The following MPLKIP variants were observed in gnomAD, a reference collection of about 807,000 sequenced individuals.
MPLKIP encodes M-phase-specific PLK1-interacting protein.
In MPLKIP, 16 loss-of-function variants were observed where a neutral mutation model predicts 16.9. The ratio of observed to expected loss-of-function variants is 0.94; its 90% CI spans 0.64 to 1.43. The LOEUF (loss-of-function observed/expected upper bound fraction) is 1.43. Among genes scored for constraint, MPLKIP ranks in the 40% most tolerant of loss-of-function variants. The pLI, the probability that MPLKIP is intolerant of heterozygous loss-of-function variation, is 0.00. For synonymous variants in MPLKIP, 126 were observed against 98.4 expected (o/e 1.28, Z -1.66); for missense variants, 282 against 237.6 (o/e 1.19, Z -1.23).
rs539021818 is a variant in MPLKIP, at chr7:40,129,991, T to C, written c.*3068A>G. 3 of 152,292 alleles carry C rather than the reference T, an allele frequency of 2.0e-5. No individual in the cohort carries two copies. The highest frequency in any genetic ancestry group is 2.1e-4 in the South Asian group (1 of 4,828). The allele number at this position is 152,292 out of a possible 1,614,324, so 9.4% of individuals were successfully genotyped here. A position where few individuals can be genotyped will look rare whatever the true frequency, so the allele number is the denominator to read the frequency against. On this transcript the variant is annotated 3_prime_UTR_variant, in exon 2 of 2. Coordinates refer to ENST00000306984, the MANE Select transcript of MPLKIP (RefSeq NM_138701.4). ...CAGCAGGGAAAAAGAACTGGCATGA[T>C]CCCTTGATATGGATATGTTTTTATG... is the stretch of plus-strand genomic sequence containing the variant.
chr7:40,129,896 G>T lies in MPLKIP; in HGVS notation c.*3163C>A, dbSNP rs184466865. ...GTATGAGACTTTAAATATTGTTGGG[G>T]TCATTTCTGCAAAACACAACTTGCC... On this transcript the variant is annotated 3_prime_UTR_variant, in exon 2 of 2. Transcript: ENST00000306984. 2 of 152,284 alleles carry T rather than the reference G, an allele frequency of 1.3e-5. No homozygotes were observed. Among genetic ancestry groups the T allele is most frequent in the African/African-American group, 4.8e-5 (2 of 41,560 alleles). The allele number at this position is 152,284 out of a possible 1,614,324, so 9.4% of individuals were successfully genotyped here.
Position 40,131,838 on chromosome 7 carries a change from A to G in MPLKIP, c.*1221T>C, listed in dbSNP as rs751698921. 6.6e-6 allele frequency: 1 copy of G among 151,458 alleles called. No individual in the cohort carries two copies. Among genetic ancestry groups the G allele is most frequent in the Non-Finnish European group, 1.5e-5 (1 of 67,888 alleles). The allele number at this position is 151,458 out of a possible 1,614,324, so 9.4% of individuals were successfully genotyped here. A position where few individuals can be genotyped will look rare whatever the true frequency, so the allele number is the denominator to read the frequency against. On this transcript the variant is annotated 3_prime_UTR_variant, in exon 2 of 2. Coordinates refer to ENST00000306984, the MANE Select transcript of MPLKIP (RefSeq NM_138701.4). ...GGGCAACAGAGTGAGACCCTATTTC[A>G]AAAACAAAACAAAACAAACAAAAAA... is the stretch of plus-strand genomic sequence containing the variant.
In MPLKIP at chr7:40,134,397, C is replaced by T. The variant is rs1272346840; in HGVS notation, c.171G>A (p.Arg57=). ...AGTGACTGCTCCCGTACGGCCTAGA[C>T]CGGGGCCCGTACGGCGGCGTGTGGT... ...SPHHTPPYGP[R]SRPYGSSHSP... Residue 57 remains arginine (R), a synonymous_variant, in exon 1 of 2, where the codon CGG becomes CGA. Transcript: ENST00000306984. 6.4e-7 allele frequency: 1 copy of T among 1,562,170 alleles called. No homozygotes were observed. The highest frequency in any genetic ancestry group is 8.7e-7 in the Non-Finnish European group (1 of 1,154,984).
intron 1 of MPLKIP, among the ~76,000 whole-genome samples, chr7:40,134,004 G>T (rs921528095): frequency 1.3e-5 from 2 of 152,172 alleles, no homozygotes; most frequent in African/African-American, 4.8e-5. Flanking sequence ...CAGTGTATTG[G>T]TTAAAAGCAC....
rs545242916 is a variant in MPLKIP at position 40,127,536 on chromosome 7, C to T, written c.*5523G>A. On this transcript the variant is annotated 3_prime_UTR_variant, in exon 2 of 2. Coordinates refer to ENST00000306984, the MANE Select transcript of MPLKIP (RefSeq NM_138701.4). ...TTGGAGACCAGCCTGGGCAACATAGCAGGATCGGTCTCAAAAAAAAGAAAA... is the reference window on the plus strand; with the variant it reads ...TTGGAGACCAGCCTGGGCAACATAGTAGGATCGGTCTCAAAAAAAAGAAAA... The T allele has an allele frequency of 6.6e-6, 1 of 151,746 alleles. No individual in the cohort carries two copies. The highest frequency in any genetic ancestry group is 2.1e-4 in the South Asian group (1 of 4,796). The allele number at this position is 151,746 out of a possible 1,614,324, so 9.4% of individuals were successfully genotyped here.
chr7:40,126,043 G>A lies in MPLKIP; in HGVS notation c.*7016C>T, dbSNP rs1787385991. On this transcript the variant is annotated 3_prime_UTR_variant, in exon 2 of 2. Coordinates refer to ENST00000306984, the MANE Select transcript of MPLKIP (RefSeq NM_138701.4). ...AAATATACGTGTATTCCATGGTGAG[G>A]TTTAATAAATTTTAACATTTTCCAA... is the stretch of plus-strand genomic sequence containing the variant. The A allele has an allele frequency of 6.6e-6, 1 of 152,106 alleles. No homozygotes were observed. Among genetic ancestry groups the A allele is most frequent in the African/African-American group, 2.4e-5 (1 of 41,408 alleles). The allele number at this position is 152,106 out of a possible 1,614,324, so 9.4% of individuals were successfully genotyped here.
chr7:40,134,309 G>C lies in MPLKIP; in HGVS notation c.259C>G (p.Pro87Ala), dbSNP rs373126255. The stretch of plus-strand genomic sequence containing the variant: ...GCGGGGGACCTGGAGTAGGAGCCAG[G>C]GTAGCCGCCAGGGGACGGAGACCCG... The part of the protein sequence containing the change: ...RFGSPSPGGY[P>A]GSYSRSPAGS... The change falls in exon 1 of 2, where the codon CCT (proline) becomes GCT (alanine). Residue 87 changes from proline (P) to alanine (A), a missense_variant. Coordinates refer to ENST00000306984, the MANE Select transcript of MPLKIP (RefSeq NM_138701.4). The C allele has an allele frequency of 1.3e-5, 21 of 1,556,870 alleles. No individual in the cohort carries two copies. The African/African-American group carries it at 2.4e-4, about 18-fold the overall frequency.
At position 40,130,306 on chromosome 7, in the gene MPLKIP, A is replaced by T. The variant is rs1787444682; in HGVS notation, c.*2753T>A. ...TCCCTTTCATTTTAAAGAATAATCA[A>T]TTCCTTTTACTCAGATAAATAAAAA... On this transcript the variant is annotated 3_prime_UTR_variant, in exon 2 of 2. Coordinates refer to ENST00000306984, the MANE Select transcript of MPLKIP (RefSeq NM_138701.4). The T allele has an allele frequency of 6.6e-6, 1 of 152,226 alleles. No homozygotes were observed. Among genetic ancestry groups the T allele is most frequent in the Non-Finnish European group, 1.5e-5 (1 of 68,036 alleles). 9.4% of individuals were successfully genotyped at this position (152,226 alleles called of 1,614,324 possible).
rs1787407882 is a variant in MPLKIP, at chr7:40,127,557, G to T, written c.*5502C>A. 6.6e-6 allele frequency: 1 copy of T among 151,540 alleles called. No individual in the cohort carries two copies. Among genetic ancestry groups the T allele is most frequent in the Admixed American group, 6.6e-5 (1 of 15,234 alleles). The allele number at this position is 151,540 out of a possible 1,614,324, so 9.4% of individuals were successfully genotyped here. The stretch of plus-strand genomic sequence containing the variant: ...ATAGCAGGATCGGTCTCAAAAAAAA[G>T]AAAAGTATTGTATGGTATTTTATCA... On this transcript the variant is annotated 3_prime_UTR_variant, in exon 2 of 2. Coordinates refer to ENST00000306984, the MANE Select transcript of MPLKIP (RefSeq NM_138701.4).
Position 40,130,715 on chromosome 7 carries a change from A to G in MPLKIP, c.*2344T>C, listed in dbSNP as rs930066007. 1 of 152,222 alleles carries G rather than the reference A, an allele frequency of 6.6e-6. No individual in the cohort carries two copies. The highest frequency in any genetic ancestry group is 2.4e-5 in the African/African-American group (1 of 41,458). The allele number at this position is 152,222 out of a possible 1,614,324, so 9.4% of individuals were successfully genotyped here. ...ACATTTCTTACCTATAAAGTTCAAT[A>G]AAGTATTTAAAAAAGTATTCCCTTT... On this transcript the variant is annotated 3_prime_UTR_variant, in exon 2 of 2. Transcript: ENST00000306984.
In MPLKIP at chr7:40,134,467, C is replaced by T; in HGVS notation, c.101G>A (p.Gly34Asp). ...GSSFRGTPGG[G>D]GPRPPSPRDG... Reference sequence around the variant, plus strand: ...TCGAGGGGAGGGCGGCCGTGGTCCGCCCCCGCCCGGGGTTCCCCGGAAGCT... The same window carrying T: ...TCGAGGGGAGGGCGGCCGTGGTCCGTCCCCGCCCGGGGTTCCCCGGAAGCT... Residue 34 changes from glycine (G) to aspartate (D), a missense_variant, in exon 1 of 2, where the codon GGC (glycine) becomes GAC (aspartate). Physicochemically the swap from Gly to Asp is moderately conservative, Grantham distance 94. Coordinates refer to ENST00000306984, the MANE Select transcript of MPLKIP (RefSeq NM_138701.4). 6.4e-7 allele frequency: 1 copy of T among 1,572,254 alleles called. No homozygotes were observed. Among genetic ancestry groups the T allele is most frequent in the Admixed American group, 1.9e-5 (1 of 53,806 alleles).
rs1358743597 is a variant in MPLKIP at position 40,126,171 on chromosome 7, T to C, written c.*6888A>G. On this transcript the variant is annotated 3_prime_UTR_variant, in exon 2 of 2. Transcript: ENST00000306984. ...AAATAATTACTATATCTAAAGCATG[T>C]TACCTTCATTTGTATTTACACTATG... 1 of 152,184 alleles carries C rather than the reference T, an allele frequency of 6.6e-6. No individual in the cohort carries two copies. Among genetic ancestry groups the C allele is most frequent in the Non-Finnish European group, 1.5e-5 (1 of 68,038 alleles). 9.4% of individuals were successfully genotyped at this position (152,184 alleles called of 1,614,324 possible). A position where few individuals can be genotyped will look rare whatever the true frequency, so the allele number is the denominator to read the frequency against.
At chr7:40,133,631 A>G (rs1787510637) in intron 1 of MPLKIP, among the ~76,000 whole-genome samples, 1 of 152,198 alleles carries the variant, frequency 6.6e-6, no homozygotes, top group Non-Finnish European at 1.5e-5. Context: ...TAAAGTTTCT[A>G]GAACCTTTCT....
At position 40,131,109 on chromosome 7, in the gene MPLKIP, A is replaced by G. The variant is rs1487700986; in HGVS notation, c.*1950T>C. 1 of 152,192 alleles carries G rather than the reference A, an allele frequency of 6.6e-6. No individual in the cohort carries two copies. Among genetic ancestry groups the G allele is most frequent in the East Asian group, 1.9e-4 (1 of 5,200 alleles). 9.4% of individuals were successfully genotyped at this position (152,192 alleles called of 1,614,324 possible). A position where few individuals can be genotyped will look rare whatever the true frequency, so the allele number is the denominator to read the frequency against. The stretch of plus-strand genomic sequence containing the variant: ...GGTACTATTAATTTTCTCATCTTAC[A>G]CATGAGAAAATTGAGGCATAGAGAA... On this transcript the variant is annotated 3_prime_UTR_variant, in exon 2 of 2. Coordinates refer to ENST00000306984, the MANE Select transcript of MPLKIP (RefSeq NM_138701.4).
rs1333744118 is a variant in MPLKIP, at chr7:40,129,256, CTT to C, written c.*3801_*3802del. On this transcript the variant is annotated 3_prime_UTR_variant, in exon 2 of 2. Transcript: ENST00000306984. ...AACATCTCCACACGGGCCAATATAA[CTT>C]ATTTTTTTTTTTTTTTGAGATGGAG... 2 of 123,192 alleles carry C rather than the reference CTT, an allele frequency of 1.6e-5. No homozygotes were observed. The highest frequency in any genetic ancestry group is 3.2e-5 in the Non-Finnish European group (2 of 61,838). 7.6% of individuals were successfully genotyped at this position (123,192 alleles called of 1,614,324 possible). A position where few individuals can be genotyped will look rare whatever the true frequency, so the allele number is the denominator to read the frequency against.
In MPLKIP at chr7:40,134,384, C is replaced by A. The variant is rs1419954039; in HGVS notation, c.184G>T (p.Gly62Trp). The A allele has an allele frequency of 6.4e-7, 1 of 1,559,132 alleles. No homozygotes were observed. Among genetic ancestry groups the A allele is most frequent in the Non-Finnish European group, 8.7e-7 (1 of 1,152,968 alleles). The change falls in exon 1 of 2, where the codon GGG becomes TGG. Residue 62 changes from glycine to tryptophan, a missense_variant. Physicochemically the swap from Gly to Trp is radical, Grantham distance 184 (BLOSUM62 -2). Transcript: ENST00000306984. ...PPYGPRSRPY[G>W]SSHSPRHGGS... is the part of the protein sequence containing the mutation. ...CCGTGTCGCGGAGAGTGACTGCTCCCGTACGGCCTAGACCGGGGCCCGTAC... is the reference window on the plus strand; with the variant it reads ...CCGTGTCGCGGAGAGTGACTGCTCCAGTACGGCCTAGACCGGGGCCCGTAC...
Position 40,131,555 on chromosome 7 carries a change from G to A in MPLKIP, c.*1504C>T, listed in dbSNP as rs1011819642. On this transcript the variant is annotated 3_prime_UTR_variant, in exon 2 of 2. Transcript: ENST00000306984. ...AATACTAAAAATACTAAAAATACATGTTCTGGGCTGGGCACGGTGGCTCAT... is the reference window on the plus strand; with the variant it reads ...AATACTAAAAATACTAAAAATACATATTCTGGGCTGGGCACGGTGGCTCAT... 6.6e-6 allele frequency: 1 copy of A among 150,430 alleles called. No homozygotes were observed. The highest frequency in any genetic ancestry group is 1.5e-5 in the Non-Finnish European group (1 of 68,052). 9.3% of individuals were successfully genotyped at this position (150,430 alleles called of 1,614,324 possible). A position where few individuals can be genotyped will look rare whatever the true frequency, so the allele number is the denominator to read the frequency against.
rs1787389626 is a variant in MPLKIP at position 40,126,336 on chromosome 7, T to C, written c.*6723A>G. On this transcript the variant is annotated 3_prime_UTR_variant, in exon 2 of 2. Coordinates refer to ENST00000306984, the MANE Select transcript of MPLKIP (RefSeq NM_138701.4). ...ATTTATTCATGTTGTATCAAATGGC[T>C]CTAATTTAATCAACTATCTTGTTAT... is the stretch of plus-strand genomic sequence containing the variant. 1 of 152,270 alleles carries C rather than the reference T, an allele frequency of 6.6e-6. No homozygotes were observed. The highest frequency in any genetic ancestry group is 2.4e-5 in the African/African-American group (1 of 41,478). The allele number at this position is 152,270 out of a possible 1,614,324, so 9.4% of individuals were successfully genotyped here.
chr7:40,128,077 G>A lies in MPLKIP; in HGVS notation c.*4982C>T, dbSNP rs1787414356. 1 of 152,108 alleles carries A rather than the reference G, an allele frequency of 6.6e-6. No homozygotes were observed. The highest frequency in any genetic ancestry group is 1.5e-5 in the Non-Finnish European group (1 of 68,084). 9.4% of individuals were successfully genotyped at this position (152,108 alleles called of 1,614,324 possible). On this transcript the variant is annotated 3_prime_UTR_variant, in exon 2 of 2. Transcript: ENST00000306984. ...AAAAAAGAGGTCATTAGGAAGTTCA[G>A]GGCTTATATCAGGTGTACTGATGAC...
Sources: allele counts gnomAD v4.1 joint callset (sites outside exome capture counted in the v4.1 genomes callset), GRCh38; gene constraint gnomAD v4.1.1; transcripts MANE v1.5; gene names NCBI Gene and HGNC (gene_info 2026-07-23, HGNC 2026-07-21).